The following GAS7 variants were observed in gnomAD, a reference collection of about 807,000 sequenced individuals.
GAS7 encodes growth arrest-specific protein 7.
Under a neutral mutation model 71.1 loss-of-function variants are expected in GAS7, and 28 were observed. The ratio of observed to expected loss-of-function variants is 0.39; its 90% CI spans 0.29 to 0.54. The LOEUF (loss-of-function observed/expected upper bound fraction) is 0.54, where lower values mean the gene tolerates loss of function less well. Ranked by LOEUF, GAS7 falls within the 20% of genes least tolerant of loss-of-function variation. GAS7 has a pLI of 0.62. For missense variants in GAS7, 436 were observed against 627.8 expected (o/e 0.69, Z 3.27); for synonymous variants, 258 against 245.8 (o/e 1.05, Z -0.46).
chr17:10,120,481 C>T (rs1031956085), intron 1 of GAS7, among the ~76,000 whole-genome samples: 3 of 152,104 alleles, frequency 2.0e-5, no homozygotes, highest in Admixed American at 2.0e-4. Flanking sequence ...GAGGCCAAGG[C>T]GGGTGGATCA....
chr17:10,119,337 T>A (rs1178026616), intron 1 of GAS7, among the ~76,000 whole-genome samples: 1 of 152,218 alleles, frequency 6.6e-6, no homozygotes, highest in Non-Finnish European at 1.5e-5. Flanking sequence ...TATTCCTTCA[T>A]TAAGTAGTTA....
At chr17:9,937,590 C>T (rs1197988119) in intron 8 of GAS7, among the ~76,000 whole-genome samples, 1 of 152,230 alleles carries the variant, frequency 6.6e-6, no homozygotes, top group African/African-American at 2.4e-5. Context: ...CTGTGGCTGG[C>T]AGGGAGGGTG....
chr17:10,096,573 A>G (rs1180037551), intron 1 of GAS7, among the ~76,000 whole-genome samples: 2 of 152,086 alleles, frequency 1.3e-5, no homozygotes, highest in Non-Finnish European at 2.9e-5. Context: ...ACACTTCTCC[A>G]TTCTCAGGTA....
Position 10,049,609 on chromosome 17 carries a change from C to CTT in GAS7, c.184-29714_184-29713dup, listed in dbSNP as rs1168627510. ...TTTAAAACGTGTTTTGAAATTACTT[C>CTT]TTTTTTTTTTTTTTTTTTTTTTTTT... On this transcript the variant is annotated intron_variant, in intron 1 of 13. Transcript: ENST00000432992. Among the ~76,000 whole-genome samples, 397 of 70,418 alleles carry CTT rather than the reference C, an allele frequency of 5.6e-3. 66 individuals carry two copies. The highest frequency in any genetic ancestry group is 0.027 in the South Asian group (40 of 1,502). The allele number at this position is 70,418 out of a possible 152,430, so 46.2% of individuals were successfully genotyped here.
At chr17:10,089,831 T>A (rs2073561886) in intron 1 of GAS7, among the ~76,000 whole-genome samples, 1 of 152,160 alleles carries the variant, frequency 6.6e-6, no homozygotes, top group Non-Finnish European at 1.5e-5. Flanking sequence ...GTATTTAAAA[T>A]TCTGGAGGCA....
chr17:10,089,877 G>A (rs1309487633), intron 1 of GAS7, among the ~76,000 whole-genome samples: 1 of 152,094 alleles, frequency 6.6e-6, no homozygotes, highest in African/African-American at 2.4e-5. Context: ...CCTTAGAAGT[G>A]TGACTGGAGG....
At chr17:10,047,352 G>C (rs879696016) in intron 1 of GAS7, among the ~76,000 whole-genome samples, 9 of 152,168 alleles carry the variant, frequency 5.9e-5, no homozygotes, top group South Asian at 2.1e-4. Context: ...TTCGAAAACA[G>C]AAACTGGACT....
rs182776354 is a variant in GAS7, at chr17:10,155,922, G to A, written c.183+42286C>T. 9.9e-5 allele frequency among the ~76,000 whole-genome samples: 15 copies of A among 152,186 alleles called. 1 individual carries two copies. Among genetic ancestry groups the A allele is most frequent in the Admixed American group, 5.9e-4 (9 of 15,268 alleles). ...GTAGTACAGCTGGCATTGACACCCC[G>A]CACTCTCTGAACCACTATGCCACAC... On this transcript the variant is annotated intron_variant, in intron 1 of 13. Coordinates refer to ENST00000432992, the MANE Select transcript of GAS7 (RefSeq NM_201433.2).
At position 10,041,158 on chromosome 17, in the gene GAS7, T is replaced by TAA. The variant is rs563870890; in HGVS notation, c.184-21263_184-21262dup. 6.2e-3 allele frequency among the ~76,000 whole-genome samples: 720 copies of TAA among 116,726 alleles called. 11 individuals are homozygous for TAA. The highest frequency in any genetic ancestry group is 0.032 in the East Asian group (131 of 4,154). The allele number at this position is 116,726 out of a possible 152,430, so 76.6% of individuals were successfully genotyped here. On this transcript the variant is annotated intron_variant, in intron 1 of 13. Coordinates refer to ENST00000432992, the MANE Select transcript of GAS7 (RefSeq NM_201433.2). ...GCCTGAGTGACAGAGCAAGACTGCC[T>TAA]AAAAAAAAAAAAAAAAAAGAAGAAG...
chr17:10,035,414 T>C (rs1011766478), intron 1 of GAS7, among the ~76,000 whole-genome samples: 2 of 152,130 alleles, frequency 1.3e-5, no homozygotes, highest in Non-Finnish European at 2.9e-5. Flanking sequence ...CCCGGGTAGT[T>C]CAGATGCACG....
At chr17:10,057,194 G>A (rs1427840048) in intron 1 of GAS7, among the ~76,000 whole-genome samples, 1 of 152,246 alleles carries the variant, frequency 6.6e-6, no homozygotes, top group African/African-American at 2.4e-5. Context: ...TGCCCAGATT[G>A]CAGCCTCTGC....
chr17:9,953,472 A>T (rs887842966), intron 5 of GAS7, among the ~76,000 whole-genome samples: 2 of 152,084 alleles, frequency 1.3e-5, no homozygotes, highest in Admixed American at 6.6e-5. Context: ...TGACTCAGGC[A>T]CCCTCTTTAG....
At chr17:9,984,306 C>CTAGG (rs1285588658) in intron 2 of GAS7, among the ~76,000 whole-genome samples, 4 of 152,076 alleles carry the variant, frequency 2.6e-5, no homozygotes, top group Non-Finnish European at 5.9e-5. Context: ...CTCCCGCTCT[C>CTAGG]TAGGTGTGAT....
chr17:10,190,080 C>G (rs1041603297), intron 1 of GAS7, among the ~76,000 whole-genome samples: 3 of 152,184 alleles, frequency 2.0e-5, no homozygotes, highest in Non-Finnish European at 2.9e-5. Flanking sequence ...CGGATTATCT[C>G]TGGCTGCTTT....
chr17:9,967,924 A>T (rs1197456907), intron 4 of GAS7, among the ~76,000 whole-genome samples: 1 of 152,248 alleles, frequency 6.6e-6, no homozygotes, highest in Non-Finnish European at 1.5e-5. Flanking sequence ...GATATCAGTT[A>T]TACCAGTGTC....
chr17:10,094,457 C>T (rs1029876756), intron 1 of GAS7, among the ~76,000 whole-genome samples: 1 of 152,008 alleles, frequency 6.6e-6, no homozygotes, highest in African/African-American at 2.4e-5. Flanking sequence ...CTGGATATTT[C>T]TTTTTCTTTT....
At chr17:10,001,966 C>A (rs1007647846) in intron 2 of GAS7, among the ~76,000 whole-genome samples, 6 of 152,124 alleles carry the variant, frequency 3.9e-5, no homozygotes, top group Non-Finnish European at 8.8e-5. Context: ...ACCTGAACCT[C>A]ATGCCGGGTA....
intron 1 of GAS7, among the ~76,000 whole-genome samples, chr17:10,036,116 TCCCC>T (rs1452496654): frequency 3.3e-5 from 5 of 152,076 alleles, no homozygotes; most frequent in African/African-American, 1.2e-4. Flanking sequence ...ACGAAACTGC[TCCCC>T]AGGTAACTAG....
At chr17:10,123,575 A>T (rs2073921458) in intron 1 of GAS7, among the ~76,000 whole-genome samples, 1 of 152,294 alleles carries the variant, frequency 6.6e-6, no homozygotes, top group South Asian at 2.1e-4. Flanking sequence ...CAAAACTCTG[A>T]TCATCACTCA....
Sources: gnomAD v4.1 joint callset for allele counts (sites outside exome capture counted in the v4.1 genomes callset) on GRCh38, gnomAD v4.1.1 for gene constraint, MANE v1.5 for transcripts, NCBI Gene and HGNC (gene_info 2026-07-23, HGNC 2026-07-21) for gene names.